ATP11C: variants seen among roughly 807,000 people sequenced by gnomAD.
ATP11C encodes the protein ATPase phospholipid transporting 11C (ATP11C blood group).
Under a neutral mutation model 97.4 loss-of-function variants are expected in ATP11C, and 36 were observed. The observed-to-expected ratio is 0.37, with a 90% CI of 0.28 to 0.49. The LOEUF (loss-of-function observed/expected upper bound fraction) is 0.49, where lower values mean the gene tolerates loss of function less well. ATP11C is among the 20% of genes least tolerant of loss of function. The pLI, the probability that ATP11C is intolerant of heterozygous loss-of-function variation, is 0.98. For synonymous variants in ATP11C, 275 were observed against 290.9 expected, an observed-to-expected ratio of 0.95 and a Z score of 0.56; for missense variants, 730 against 824.6, an observed-to-expected ratio of 0.89 and a Z score of 1.40.
At chrX:139,743,685 T>C (rs41300928) in intron 25 of ATP11C, 61 bp from the exon 26 acceptor site, 1 of 748,405 alleles carries the variant, frequency 1.3e-6, no homozygotes, top group Non-Finnish European at 1.9e-6. Context: ...TAGTATTTTT[T>C]CATTTAAAAA....
intron 1 of ATP11C, among the ~76,000 whole-genome samples, chrX:139,888,910 G>T (rs1247621167): frequency 9.1e-6 from 1 of 110,303 alleles, no homozygotes; most frequent in African/African-American, 3.3e-5. Flanking sequence ...TCGGGTTCAA[G>T]CAATTCTCAT....
At chrX:139,799,507 T>C (rs1209182397) in intron 8 of ATP11C, among the ~76,000 whole-genome samples, 1 of 110,137 alleles carries the variant, frequency 9.1e-6, no homozygotes, top group Non-Finnish European at 1.9e-5. Flanking sequence ...TTTGGGAATA[T>C]AATCCAAAAT....
chrX:139,745,914 T>C (rs1406335347), intron 24 of ATP11C, 57 bp from the exon 25 acceptor site: 1 of 1,132,230 alleles, frequency 8.8e-7, no homozygotes, highest in Admixed American at 2.4e-5. Context: ...AAACATACAG[T>C]GAAATGTCAA....
At chrX:139,738,146 C>T (rs1246233691) in intron 27 of ATP11C, 77 bp from the exon 28 acceptor site, 19 of 859,298 alleles carry the variant, frequency 2.2e-5, no homozygotes, top group East Asian at 3.4e-5. Flanking sequence ...ATTAAAATGT[C>T]GTTTGTATTT....
At chrX:139,920,498 G>GT (rs2085242148) in intron 1 of ATP11C, among the ~76,000 whole-genome samples, 1 of 111,936 alleles carries the variant, frequency 8.9e-6, no homozygotes, top group African/African-American at 3.2e-5. Context: ...AGATAAGAAA[G>GT]TAGATGGGTG....
chrX:139,925,073 G>A (rs925106234), intron 1 of ATP11C, among the ~76,000 whole-genome samples: 2 of 111,399 alleles, frequency 1.8e-5, no homozygotes, highest in African/African-American at 6.5e-5. Flanking sequence ...CCATTCTATC[G>A]ATGAAGAAAC....
chrX:139,867,888 CTG>C (rs1185386118), intron 1 of ATP11C, among the ~76,000 whole-genome samples: 1 of 111,657 alleles, frequency 9.0e-6, no homozygotes, highest in Non-Finnish European at 1.9e-5. Flanking sequence ...TAGGTGATAA[CTG>C]TTGAGGGCCT....
intron 1 of ATP11C, among the ~76,000 whole-genome samples, chrX:139,832,700 T>C (rs943139325): frequency 2.7e-5 from 3 of 112,315 alleles, no homozygotes; most frequent in South Asian, 3.7e-4. Flanking sequence ...TTCACTATGA[T>C]ACAGTTTCTC....
chrX:139,798,220 G>A (rs763083612), intron 10 of ATP11C, 53 bp downstream of exon 10: 162 of 1,035,078 alleles, frequency 1.6e-4, no homozygotes, highest in Middle Eastern at 2.6e-4. Flanking sequence ...GAATTACCAA[G>A]AAAGTAACTA....
intron 5 of ATP11C, among the ~76,000 whole-genome samples, chrX:139,812,970 C>A (rs943439440): frequency 8.9e-6 from 1 of 111,983 alleles, no homozygotes; most frequent in African/African-American, 3.3e-5. Flanking sequence ...GGAAGACATT[C>A]TATGTCAAAC....
At chrX:139,842,826 C>T (rs780077851) in intron 1 of ATP11C, among the ~76,000 whole-genome samples, 1 of 111,852 alleles carries the variant, frequency 8.9e-6, no homozygotes, top group Non-Finnish European at 1.9e-5. Flanking sequence ...CATACAATGA[C>T]AAGAGAATTT....
intron 5 of ATP11C, among the ~76,000 whole-genome samples, chrX:139,812,028 C>T (rs1325690103): frequency 9.0e-6 from 1 of 111,147 alleles, no homozygotes; most frequent in African/African-American, 3.3e-5. Context: ...TTCATTTTGC[C>T]TCACTCCAGT....
chrX:139,840,302 C>G (rs1216227975), intron 1 of ATP11C, among the ~76,000 whole-genome samples: 1 of 112,287 alleles, frequency 8.9e-6, no homozygotes, highest in East Asian at 2.8e-4. Context: ...ATGACAAAAA[C>G]TTTGTATAGT....
rs2148701938 is a variant in ATP11C, at chrX:139,774,947, T to C, written c.1959A>G (p.Gln653=). 2.5e-6 allele frequency: 3 copies of C among 1,199,621 alleles called. No individual in the cohort carries two copies. The highest frequency in any genetic ancestry group is 3.4e-6 in the Non-Finnish European group (3 of 889,355). Reference sequence around the variant, plus strand: ...CTTCAATGGTCTCTGCAGCTTGATCTTGTAGCCTGGGAACACAAAAGAAAC... The same window carrying C: ...CTTCAATGGTCTCTGCAGCTTGATCCTGTAGCCTGGGAACACAAAAGAAAC... ...IGATAVEDKL[Q]DQAAETIEAL... is the part of the protein sequence containing the mutation. The change falls in exon 19 of 30, where the codon CAA becomes CAG. Residue 653 remains glutamine (Q), a synonymous_variant. Transcript: ENST00000682941.
At chrX:139,812,442 G>A (rs1404157459) in intron 5 of ATP11C, among the ~76,000 whole-genome samples, 2 of 111,212 alleles carry the variant, frequency 1.8e-5, no homozygotes, top group African/African-American at 3.3e-5. Context: ...AGGGAGAGAT[G>A]TAAGAGGCCT....
At chrX:139,751,693 A>G (rs140292101) in intron 23 of ATP11C, among the ~76,000 whole-genome samples, 2 of 111,549 alleles carry the variant, frequency 1.8e-5, no homozygotes, top group East Asian at 5.7e-4. Flanking sequence ...TCTTAGGTAC[A>G]TAATTAGAAG....
chrX:139,773,579 C>T (rs753489032), intron 19 of ATP11C, among the ~76,000 whole-genome samples: 19 of 112,397 alleles, frequency 1.7e-4, no homozygotes, highest in Non-Finnish European at 3.0e-4. Flanking sequence ...GTAAAATGCA[C>T]ATACTTTGGA....
chrX:139,921,051 G>A (rs2085250926), intron 1 of ATP11C, among the ~76,000 whole-genome samples: 1 of 111,674 alleles, frequency 9.0e-6, no homozygotes, highest in South Asian at 3.7e-4. Flanking sequence ...GCTACTAGGA[G>A]GGGGATGGTG....
rs1266646524 is a variant in ATP11C at position 139,803,643 on chromosome X, T to C, written c.555+828A>G. Among the ~76,000 whole-genome samples, 4 of 107,307 alleles carry C rather than the reference T, an allele frequency of 3.7e-5. No individual in the cohort carries two copies. The East Asian group carries it at 1.2e-3, about 31-fold the overall frequency. The allele number at this position is 107,307 out of a possible 115,157, so 93.2% of individuals were successfully genotyped here. On this transcript the variant is annotated intron_variant, in intron 6 of 29. Transcript: ENST00000682941. ...TATATGTACATAAAATGTTGCTTTATAACTTACTTATAAAGCAAACATTTT... is the reference window on the plus strand; with the variant it reads ...TATATGTACATAAAATGTTGCTTTACAACTTACTTATAAAGCAAACATTTT...
Sources: allele counts gnomAD v4.1 joint callset (sites outside exome capture counted in the v4.1 genomes callset), GRCh38; gene constraint gnomAD v4.1.1; transcripts MANE v1.5; gene names NCBI Gene and HGNC (gene_info 2026-07-23, HGNC 2026-07-21).